The following HIVEP3 variants were observed in gnomAD, a reference collection of about 807,000 sequenced individuals.
HIVEP3 encodes the protein transcription factor HIVEP3.
In HIVEP3, 49 loss-of-function variants were observed where a neutral mutation model predicts 152.8. That is an observed-to-expected ratio of 0.32 (90% CI 0.26 to 0.41). The LOEUF (loss-of-function observed/expected upper bound fraction) is 0.41. Ranked by LOEUF, HIVEP3 falls within the 10% of genes least tolerant of loss-of-function variation. HIVEP3 has a pLI of 1.00. For synonymous variants in HIVEP3, 1,269 were observed against 1,289.0 expected (o/e 0.98, Z 0.33); for missense variants, 2,790 against 3,103.3 (o/e 0.90, Z 2.40).
chr1:41,818,589 C>T (rs1456395759), intron 1 of HIVEP3, among the ~76,000 whole-genome samples: 2 of 152,106 alleles, frequency 1.3e-5, no homozygotes, highest in Non-Finnish European at 2.9e-5. Flanking sequence ...CATTGAAACA[C>T]CACGCAGTCA....
intron 1 of HIVEP3, among the ~76,000 whole-genome samples, chr1:41,803,518 C>T (rs1650424013): frequency 6.6e-6 from 1 of 152,212 alleles, no homozygotes. Flanking sequence ...GTCTTCCACA[C>T]CCCAGCATTG....
At chr1:41,575,769 C>T (rs904760554) in intron 4 of HIVEP3, 80 bp from the exon 5 acceptor site, 1 of 1,469,286 alleles carries the variant, frequency 6.8e-7, no homozygotes. Flanking sequence ...AATAATCATG[C>T]CTTACACAGT....
intron 1 of HIVEP3, among the ~76,000 whole-genome samples, chr1:41,945,346 T>C (rs1014373450): frequency 1.3e-5 from 2 of 152,210 alleles, no homozygotes; most frequent in Non-Finnish European, 2.9e-5. Context: ...GCAGAGTGCA[T>C]GTACCTTTTT....
chr1:41,697,836 G>T (rs570610233), intron 2 of HIVEP3, among the ~76,000 whole-genome samples: 9 of 152,306 alleles, frequency 5.9e-5, no homozygotes, highest in Non-Finnish European at 1.0e-4. Flanking sequence ...GGCCTGCTAG[G>T]TGCTAGAGCA....
At chr1:41,762,196 A>T (rs981314391) in intron 1 of HIVEP3, among the ~76,000 whole-genome samples, 1 of 152,066 alleles carries the variant, frequency 6.6e-6, no homozygotes, top group Non-Finnish European at 1.5e-5. Flanking sequence ...AGACCACCCA[A>T]CTTCAGATGG....
In HIVEP3 at chr1:41,662,540, C is replaced by T. The variant is rs1645732805; in HGVS notation, c.-720-33593G>A. Among the ~76,000 whole-genome samples the T allele has an allele frequency of 6.6e-6, 1 of 151,156 alleles. No homozygotes were observed. Among genetic ancestry groups the T allele is most frequent in the Admixed American group, 6.6e-5 (1 of 15,236 alleles). On this transcript the variant is annotated intron_variant, in intron 2 of 8. Transcript: ENST00000372583. This position sits in a 1 kb window ranked among gnomAD's most constrained non-coding sequence, Gnocchi z 7.2. ...TCCGCTCGGCCTCACTGCTGGCCAC[C>T]CCGGGATGCCTTCGCGGCCGGGGTC...
intron 1 of HIVEP3, among the ~76,000 whole-genome samples, chr1:42,006,873 C>T (rs1254866368): frequency 2.0e-5 from 3 of 152,192 alleles, no homozygotes; most frequent in Admixed American, 2.0e-4. Context: ...ACCGTACTAG[C>T]CAAATGTTAT....
intron 3 of HIVEP3, among the ~76,000 whole-genome samples, chr1:41,622,542 C>A (rs1481133610): frequency 1.3e-5 from 2 of 152,200 alleles, no homozygotes; most frequent in Non-Finnish European, 2.9e-5. Flanking sequence ...CAACCACGCC[C>A]ATTTTTTACA....
At chr1:41,867,391 A>C (rs867633419) in intron 1 of HIVEP3, among the ~76,000 whole-genome samples, 1 of 152,180 alleles carries the variant, frequency 6.6e-6, no homozygotes, top group African/African-American at 2.4e-5. Context: ...GTGCCATATA[A>C]AAACAGGCGG....
At chr1:41,741,710 G>T (rs1443472619) in intron 1 of HIVEP3, among the ~76,000 whole-genome samples, 7 of 152,206 alleles carry the variant, frequency 4.6e-5, no homozygotes, top group Non-Finnish European at 1.5e-5. Flanking sequence ...GATGAGAAGG[G>T]GCTGTGGAAA....
chr1:41,527,885 T>G (rs1394582867), intron 5 of HIVEP3, among the ~76,000 whole-genome samples: 1 of 68,600 alleles, frequency 1.5e-5, no homozygotes, highest in Non-Finnish European at 2.9e-5. Context: ...ACATTCACAC[T>G]CACACCCCAC....
At chr1:41,861,042 C>G (rs1643881619) in intron 1 of HIVEP3, among the ~76,000 whole-genome samples, 1 of 152,246 alleles carries the variant, frequency 6.6e-6, no homozygotes, top group African/African-American at 2.4e-5. Flanking sequence ...GCCAGCCCCT[C>G]AGCACACTCG....
chr1:41,899,997 G>A (rs1369463006), intron 1 of HIVEP3, among the ~76,000 whole-genome samples: 1 of 152,110 alleles, frequency 6.6e-6, no homozygotes, highest in African/African-American at 2.4e-5. Flanking sequence ...GAATTACAAA[G>A]CCCTGCCCTA....
rs1644431482 is a variant in HIVEP3, at chr1:41,510,361, G to A, written c.*90C>T. The stretch of plus-strand genomic sequence containing the variant: ...AGCTCCTGGACGGAGGGACAGATGG[G>A]GCTGAGGAAGTGGGATGATTCGAGG... On this transcript the variant is annotated 3_prime_UTR_variant, in exon 9 of 9. Transcript: ENST00000372583. 1 of 1,180,572 alleles carries A rather than the reference G, an allele frequency of 8.5e-7. No individual in the cohort carries two copies. The highest frequency in any genetic ancestry group is 1.1e-6 in the Non-Finnish European group (1 of 885,696). 73.1% of individuals were successfully genotyped at this position (1,180,572 alleles called of 1,614,324 possible).
intron 2 of HIVEP3, among the ~76,000 whole-genome samples, chr1:41,635,735 T>C (rs781679157): frequency 5.3e-5 from 8 of 151,884 alleles, no homozygotes; most frequent in Non-Finnish European, 1.0e-4. Context: ...CAAATCTGAC[T>C]AGCAGTAATA....
intron 6 of HIVEP3, among the ~76,000 whole-genome samples, chr1:41,520,286 CCT>C (rs1319950438): frequency 1.3e-5 from 2 of 152,192 alleles, no homozygotes; most frequent in African/African-American, 4.8e-5. Context: ...TGTTTCCTTT[CCT>C]CTTTCTTCAC....
In HIVEP3 at chr1:41,580,660, G is replaced by T. The variant is rs149815401; in HGVS notation, c.4138C>A (p.Pro1380Thr). 1.1e-4 allele frequency: 182 copies of T among 1,613,904 alleles called. 2 individuals carry two copies. The African/African-American group carries it at 1.9e-3, about 17-fold the overall frequency. The change falls in exon 4 of 9, where the codon CCT (proline) becomes ACT (threonine). Residue 1380 changes from proline to threonine, a missense_variant. Pro to Thr is a conservative substitution (Grantham distance 38). Coordinates refer to ENST00000372583, the MANE Select transcript of HIVEP3 (RefSeq NM_024503.5). ...GADVHEVGPG[P>T]SGLSEEQSRA... ...CTTTGCTCTTCACTTAACCCAGAAG[G>T]GCCGGGCCCAACCTCATGCACATCT...
chr1:41,751,070 T>C (rs895645245), intron 1 of HIVEP3, among the ~76,000 whole-genome samples: 5 of 152,134 alleles, frequency 3.3e-5, no homozygotes, highest in African/African-American at 1.2e-4. Flanking sequence ...GCATCCGTGT[T>C]AAACCCGAAG....
Position 41,931,542 on chromosome 1 carries a change from A to C in HIVEP3, n.120-13018T>G, listed in dbSNP as rs563180903. On this transcript the variant is annotated intron_variant and non_coding_transcript_variant, in intron 1 of 3. Coordinates refer to the HIVEP3 transcript ENST00000489103. ...AATTGGGTACTGTCTGAGTCCTCCA[A>C]CTTTGTGCTTTTTCAGATTTGTTTT... is the stretch of plus-strand genomic sequence containing the variant. Among the ~76,000 whole-genome samples the C allele has an allele frequency of 1.6e-4, 25 of 152,088 alleles. No homozygotes were observed. In the East Asian group the frequency reaches 4.8e-3, roughly 29 times the overall value.
Sources: gnomAD v4.1 joint callset for allele counts (sites outside exome capture counted in the v4.1 genomes callset) on GRCh38, gnomAD v4.1.1 for gene constraint, Gnocchi (gnomAD v3.1) non-coding constraint, MANE v1.5 for transcripts, NCBI Gene and HGNC (gene_info 2026-07-23, HGNC 2026-07-21) for gene names.